IARS1: variants seen among roughly 807,000 people sequenced by gnomAD.
The protein encoded by IARS1 is isoleucyl-tRNA synthetase 1, also known as isoleucine--tRNA ligase, cytoplasmic.
A neutral mutation model predicts 168.2 loss-of-function variants in IARS1; 124 were observed. The ratio of observed to expected loss-of-function variants is 0.74; its 90% confidence interval spans 0.64 to 0.86. The LOEUF (loss-of-function observed/expected upper bound fraction) is 0.86. Among genes scored for constraint, IARS1 ranks in the 40% least tolerant of loss-of-function variants. The probability of loss-of-function intolerance (pLI) is 0.00; values close to 1 mark genes in which losing one functional copy is unlikely to be tolerated. For missense variants in IARS1, 1,452 were observed against 1,515.8 expected, an observed-to-expected ratio of 0.96 and a Z score of 0.70; for synonymous variants, 532 against 529.4, an observed-to-expected ratio of 1.00 and a Z score of -0.07.
chr9:92,225,479 A>G (rs1825526576), intron 31 of IARS1, among the ~76,000 whole-genome samples: 1 of 152,194 alleles, frequency 6.6e-6, no homozygotes, highest in Non-Finnish European at 1.5e-5. Context: ...AAGAGAAATC[A>G]ACATCACCCA....
intron 13 of IARS1, among the ~76,000 whole-genome samples, chr9:92,268,536 C>T (rs1176557238): frequency 6.6e-6 from 1 of 152,190 alleles, no homozygotes; most frequent in Admixed American, 6.5e-5. Context: ...CTCCCATGTC[C>T]TCCTCTTCAA....
intron 10 of IARS1, among the ~76,000 whole-genome samples, chr9:92,272,348 A>G (rs1266050186): frequency 5.9e-5 from 9 of 152,236 alleles, no homozygotes; most frequent in African/African-American, 1.9e-4. Context: ...TCATGTGGGT[A>G]GACAGGAAAA....
chr9:92,286,504 T>G (rs760804948), intron 5 of IARS1, 32 bp downstream of exon 5: 1 of 1,153,582 alleles, frequency 8.7e-7, no homozygotes, highest in Admixed American at 1.8e-5. Context: ...GAATAGAATA[T>G]TTACCATATT....
intron 27 of IARS1, 129 bp from the exon 28 acceptor site, chr9:92,243,440 A>T: frequency 1.7e-6 from 1 of 604,610 alleles, no homozygotes. Flanking sequence ...AATGAGCAAA[A>T]GCAATAAAAT....
intron 30 of IARS1, among the ~76,000 whole-genome samples, chr9:92,229,423 G>A (rs1826318281): frequency 6.7e-6 from 1 of 149,754 alleles, no homozygotes; most frequent in South Asian, 2.1e-4. Context: ...GGCAATCCTT[G>A]GTAGCTATGG....
Position 92,272,863 on chromosome 9 carries a change from AC to A in IARS1, c.991-1209del, listed in dbSNP as rs1399685816. On this transcript the variant is annotated intron_variant, in intron 10 of 33. Coordinates refer to ENST00000443024, the MANE Select transcript of IARS1 (RefSeq NM_002161.6). Reference sequence around the variant, plus strand: ...GAGACTCTGTCTCAAACAAAACAAAACAAAAAAAAAAAAAAAAAAAAAAATT... The same window carrying A: ...GAGACTCTGTCTCAAACAAAACAAAAAAAAAAAAAAAAAAAAAAAAAAATT... 9.4e-3 allele frequency among the ~76,000 whole-genome samples: 454 copies of A among 48,430 alleles called. 2 individuals carry two copies. The highest frequency in any genetic ancestry group is 0.093 in the Middle Eastern group (5 of 54). The allele number at this position is 48,430 out of a possible 152,430, so 31.8% of individuals were successfully genotyped here. A position where few individuals can be genotyped will look rare whatever the true frequency, so the allele number is the denominator to read the frequency against.
intron 26 of IARS1, among the ~76,000 whole-genome samples, chr9:92,246,186 A>G (rs1445710109): frequency 2.6e-5 from 4 of 152,194 alleles, no homozygotes; most frequent in Non-Finnish European, 4.4e-5. Context: ...GTAATTAGTA[A>G]TAACTTGAGG....
chr9:92,260,429 G>A (rs1831358940), intron 17 of IARS1, among the ~76,000 whole-genome samples, 195 bp from the exon 18 acceptor site: 1 of 152,160 alleles, frequency 6.6e-6, no homozygotes, highest in Non-Finnish European at 1.5e-5. Context: ...GCTGAGGCAG[G>A]CAGATCACCT....
In IARS1 at chr9:92,223,456, C is replaced by A; in HGVS notation, c.3443G>T (p.Ser1148Ile). Residue 1148 changes from serine (S) to isoleucine (I), a missense_variant, in exon 32 of 34, where the codon AGT becomes ATT. Physicochemically the swap from Ser to Ile is moderately radical, Grantham distance 142. Transcript: ENST00000443024. ...IQNQTDLLSLSGKTLCVTAGS... is the reference protein window; with the variant it reads ...IQNQTDLLSLIGKTLCVTAGS... ...TGCAGTCACACAAAGTGTTTTTCCA[C>A]TAAGACTCAGTAAGTCAGTTTGGTT... 6.2e-7 allele frequency: 1 copy of A among 1,613,948 alleles called. No homozygotes were observed. The highest frequency in any genetic ancestry group is 1.1e-5 in the South Asian group (1 of 91,050).
Position 92,290,520 on chromosome 9 carries a change from T to G in IARS1, c.-7-1094A>C, listed in dbSNP as rs2134011995. Among the ~76,000 whole-genome samples, 2 of 152,332 alleles carry G rather than the reference T, an allele frequency of 1.3e-5. 1 individual carries two copies. Among genetic ancestry groups the G allele is most frequent in the South Asian group, 4.1e-4 (2 of 4,828 alleles). On this transcript the variant is annotated intron_variant, in intron 1 of 33. Coordinates refer to ENST00000443024, the MANE Select transcript of IARS1 (RefSeq NM_002161.6). ...TTTTTATTTTCTTGATGGCATTTTTTGAAGCACAAAGATTTTTCATTTTAA... is the reference window on the plus strand; with the variant it reads ...TTTTTATTTTCTTGATGGCATTTTTGGAAGCACAAAGATTTTTCATTTTAA...
chr9:92,282,858 ATAT>A (rs1037807892), intron 6 of IARS1, among the ~76,000 whole-genome samples: 9 of 141,122 alleles, frequency 6.4e-5, no homozygotes, highest in East Asian at 4.0e-4. Flanking sequence ...ATATATATAT[ATAT>A]TTTTTTTTTT....
At chr9:92,267,629 G>A (rs1012298980) in intron 14 of IARS1, among the ~76,000 whole-genome samples, 4 of 152,158 alleles carry the variant, frequency 2.6e-5, no homozygotes, top group Non-Finnish European at 4.4e-5. Context: ...TAAGTGCTGC[G>A]ATTACATGTG....
At chr9:92,240,818 T>G (rs150130428) in intron 30 of IARS1, 38 bp downstream of exon 30, 2 of 1,297,566 alleles carry the variant, frequency 1.5e-6, no homozygotes, top group African/African-American at 2.9e-5. Flanking sequence ...TAAGTATAAC[T>G]AAAAAAAAGT....
At chr9:92,214,376 T>C (rs1838268146) in intron 33 of IARS1, among the ~76,000 whole-genome samples, 1 of 151,994 alleles carries the variant, frequency 6.6e-6, no homozygotes, top group Non-Finnish European at 1.5e-5. Context: ...GCCAACATGG[T>C]GAAACCCTGT....
chr9:92,210,442 T>C lies in IARS1; in HGVS notation c.*365A>G, dbSNP rs1412779559. The C allele has an allele frequency of 1.2e-5, 2 of 160,490 alleles. No individual in the cohort carries two copies. Among genetic ancestry groups the C allele is most frequent in the African/African-American group, 2.4e-5 (1 of 41,698 alleles). The allele number at this position is 160,490 out of a possible 1,614,324, so 9.9% of individuals were successfully genotyped here. A position where few individuals can be genotyped will look rare whatever the true frequency, so the allele number is the denominator to read the frequency against. On this transcript the variant is annotated 3_prime_UTR_variant, in exon 34 of 34. Coordinates refer to ENST00000443024, the MANE Select transcript of IARS1 (RefSeq NM_002161.6). ...TGGCAGAAATATATAATATGTCCATTTCATCAAGAGGTCTCAAATAAATTT... is the reference window on the plus strand; with the variant it reads ...TGGCAGAAATATATAATATGTCCATCTCATCAAGAGGTCTCAAATAAATTT...
intron 10 of IARS1, 141 bp from the exon 11 acceptor site, chr9:92,271,796 A>T: frequency 1.1e-6 from 1 of 909,290 alleles, no homozygotes. Flanking sequence ...AAGGTAACTC[A>T]AGACCATTCG....
At chr9:92,271,184 ATAT>A (rs150942479) in intron 11 of IARS1, 108 bp from the exon 12 acceptor site, 7,694 of 629,032 alleles carry the variant, frequency 0.012, 87 homozygotes, top group South Asian at 0.021. Flanking sequence ...CAAATAACAA[ATAT>A]TATTTATTAT....
At chr9:92,246,681 G>A (rs1372658010) in intron 26 of IARS1, among the ~76,000 whole-genome samples, 1 of 152,088 alleles carries the variant, frequency 6.6e-6, no homozygotes, top group Non-Finnish European at 1.5e-5. Flanking sequence ...AGAGTAACTG[G>A]GATGGCAGGC....
intron 21 of IARS1, among the ~76,000 whole-genome samples, chr9:92,252,856 T>G (rs1477343620): frequency 6.9e-6 from 1 of 144,876 alleles, no homozygotes. Context: ...GACCTCGCTC[T>G]CTCTATTAAG....
Sources: allele counts gnomAD v4.1 joint callset (sites outside exome capture counted in the v4.1 genomes callset), GRCh38; gene constraint gnomAD v4.1.1; transcripts MANE v1.5; gene names NCBI Gene and HGNC (gene_info 2026-07-23, HGNC 2026-07-21).